Variants in CRAMP1 observed in about 807,000 individuals in gnomAD.
CRAMP1 encodes cramped chromatin regulator 1, also known as protein cramped-like.
CRAMP1 carries 50 observed loss-of-function variants against 115.4 expected under a neutral mutation model. The observed-to-expected ratio is 0.43, with a 90% CI of 0.35 to 0.55. The LOEUF (loss-of-function observed/expected upper bound fraction) is 0.55. Among genes scored for constraint, CRAMP1 ranks in the 20% least tolerant of loss-of-function variants. The pLI is 0.01. For synonymous variants in CRAMP1, 866 were observed against 745.4 expected (o/e 1.16, Z -2.64); for missense variants, 1,679 against 1,721.7 (o/e 0.98, Z 0.44).
chr16:1,670,646 C>T lies in CRAMP1; in HGVS notation c.3500-18C>T. The T allele has an allele frequency of 6.2e-7, 1 of 1,613,590 alleles. No individual in the cohort carries two copies. The highest frequency in any genetic ancestry group is 8.5e-7 in the Non-Finnish European group (1 of 1,179,626). On this transcript the variant is annotated intron_variant, in intron 19 of 20. Coordinates refer to ENST00000397412, the MANE Select transcript of CRAMP1 (RefSeq NM_020825.4). Reference sequence around the variant, plus strand: ...CAAGCAGGGTTCAGGGTGTTTTCCTCTGGCCTTTTCTCCGCAGCAAGCTTC... The same window carrying T: ...CAAGCAGGGTTCAGGGTGTTTTCCTTTGGCCTTTTCTCCGCAGCAAGCTTC...
Position 1,612,644 on chromosome 16 carries a change from C to A in CRAMP1, c.-15C>A, listed in dbSNP as rs1345893236. Among the ~76,000 whole-genome samples, 1 of 151,822 alleles carries A rather than the reference C, an allele frequency of 6.6e-6. No individual in the cohort carries two copies. Among genetic ancestry groups the A allele is most frequent in the Non-Finnish European group, 1.5e-5 (1 of 67,908 alleles). On this transcript the variant is annotated 5_prime_UTR_variant, in exon 1 of 21. Coordinates refer to ENST00000397412, the MANE Select transcript of CRAMP1 (RefSeq NM_020825.4). ...CCCGGGAAGCCAGGCTGCCGCCCGG[C>A]GTTGATGAAAAAGGTGACCAAGGCT...
At position 1,655,980 on chromosome 16, in the gene CRAMP1, C is replaced by T. The variant is rs186357261; in HGVS notation, c.1223C>T (p.Pro408Leu). ...LFPGENCTLT[P>L]LPGVARVVHS... ...CCAGGCGAGAACTGTACACTGACAC[C>T]GCTGCCGGGCGTGGCTCGCGTGGTG... Residue 408 changes from proline (P) to leucine (L), a missense_variant, in exon 10 of 21, where the codon CCG (proline) becomes CTG (leucine). By Grantham distance (98) the Pro-to-Leu change is moderately conservative. Transcript: ENST00000397412. The T allele has an allele frequency of 1.4e-5, 23 of 1,613,082 alleles. No homozygotes were observed. The Admixed American group carries it at 1.7e-4, about 12-fold the overall frequency.
Position 1,626,281 on chromosome 16 carries a change from G to A in CRAMP1, c.540+115G>A, listed in dbSNP as rs186022083. 1.2e-4 allele frequency: 127 copies of A among 1,022,652 alleles called. 1 individual carries two copies. The South Asian group carries it at 1.6e-3, about 13-fold the overall frequency. 63.3% of individuals were successfully genotyped at this position (1,022,652 alleles called of 1,614,324 possible). ...GATTCTAGAACGCAGATTCCTGGGCGACCCCCGCAGTGGCGGAGGCTGATG... is the reference window on the plus strand; with the variant it reads ...GATTCTAGAACGCAGATTCCTGGGCAACCCCCGCAGTGGCGGAGGCTGATG... On this transcript the variant is annotated intron_variant, in intron 3 of 20. Coordinates refer to ENST00000397412, the MANE Select transcript of CRAMP1 (RefSeq NM_020825.4).
intron 13 of CRAMP1, among the ~76,000 whole-genome samples, chr16:1,664,515 G>C (rs942903382): frequency 1.3e-5 from 2 of 152,058 alleles, no homozygotes; most frequent in Non-Finnish European, 2.9e-5. Context: ...ACGGTGGCTC[G>C]CACCTGTAAT....
chr16:1,663,589 T>G (rs1396074191), intron 13 of CRAMP1, among the ~76,000 whole-genome samples: 2 of 152,182 alleles, frequency 1.3e-5, no homozygotes, highest in African/African-American at 2.4e-5. Flanking sequence ...ACTTTATAGA[T>G]AGAGAATTCA....
At chr16:1,631,646 T>C (rs921840828) in intron 3 of CRAMP1, among the ~76,000 whole-genome samples, 8 of 152,344 alleles carry the variant, frequency 5.3e-5, no homozygotes, top group East Asian at 3.9e-4. Context: ...ACAAGTTCTC[T>C]TCTGAAAATC....
rs1463707076 is a variant in CRAMP1, at chr16:1,656,736, C to T, written c.1979C>T (p.Pro660Leu). ...TCTCAGGGACAGCCTGCCGCCAGGC[C>T]CCCGAAGGAGGTCCCCGCCAGCCGG... ...PPSQGQPAARPPKEVPASRLA... is the reference protein window; with the variant it reads ...PPSQGQPAARLPKEVPASRLA... Residue 660 changes from proline to leucine, a missense_variant, in exon 10 of 21, where the codon CCC becomes CTC. Transcript: ENST00000397412. The surrounding 1 kb of genome is among the most constrained non-coding windows in gnomAD (Gnocchi z 5.6). 5.2e-6 allele frequency: 8 copies of T among 1,550,624 alleles called. No individual in the cohort carries two copies. Among genetic ancestry groups the T allele is most frequent in the Non-Finnish European group, 7.0e-6 (8 of 1,147,116 alleles).
intron 13 of CRAMP1, among the ~76,000 whole-genome samples, chr16:1,664,321 C>G (rs548128339): frequency 6.6e-6 from 1 of 152,338 alleles, no homozygotes; most frequent in African/African-American, 2.4e-5. Context: ...ACTTCATGCC[C>G]TTTGGTGCCT....
intron 11 of CRAMP1, among the ~76,000 whole-genome samples, chr16:1,660,941 G>T (rs141155738): frequency 6.6e-6 from 1 of 152,246 alleles, no homozygotes; most frequent in East Asian, 1.9e-4. Context: ...CCCGGAAGGC[G>T]GAGGTTGCAA....
intron 1 of CRAMP1, among the ~76,000 whole-genome samples, chr16:1,613,740 C>T (rs771743313): frequency 5.3e-5 from 8 of 152,144 alleles, no homozygotes; most frequent in South Asian, 2.1e-4. Context: ...ACACCATTGT[C>T]TTCTACCGCT....
At chr16:1,651,636 G>A (rs969330431) in intron 6 of CRAMP1, among the ~76,000 whole-genome samples, 1 of 148,266 alleles carries the variant, frequency 6.7e-6, no homozygotes, top group Non-Finnish European at 1.5e-5. Context: ...AGGTCACCTA[G>A]AGGTGGATTG....
At chr16:1,659,588 C>A (rs551314029) in intron 10 of CRAMP1, among the ~76,000 whole-genome samples, 1 of 152,050 alleles carries the variant, frequency 6.6e-6, no homozygotes, top group African/African-American at 2.4e-5. Flanking sequence ...AGCGTTTCAC[C>A]GTGTTAGCCA....
intron 3 of CRAMP1, among the ~76,000 whole-genome samples, chr16:1,628,052 G>A (rs1010767787): frequency 3.3e-5 from 5 of 152,140 alleles, no homozygotes; most frequent in African/African-American, 7.2e-5. Context: ...CCTTATTCAA[G>A]CAGTTCAGTT....
chr16:1,638,563 G>A, intron 5 of CRAMP1, among the ~76,000 whole-genome samples: 1 of 152,204 alleles, frequency 6.6e-6, no homozygotes, highest in East Asian at 1.9e-4. Flanking sequence ...TCTAGGTAGG[G>A]ACATTGTAGA....
In CRAMP1 at chr16:1,674,324, A is replaced by G. The variant is rs2036949208; in HGVS notation, c.*279A>G. On this transcript the variant is annotated 3_prime_UTR_variant, in exon 21 of 21. Coordinates refer to ENST00000397412, the MANE Select transcript of CRAMP1 (RefSeq NM_020825.4). ...ATGTTAGGGTCTGCATAATGATCCC[A>G]TTTCAGCCTGTGCTCTGCCTCGATT... 1 of 447,536 alleles carries G rather than the reference A, an allele frequency of 2.2e-6. No homozygotes were observed. Among genetic ancestry groups the G allele is most frequent in the Non-Finnish European group, 4.0e-6 (1 of 247,398 alleles). The allele number at this position is 447,536 out of a possible 1,614,324, so 27.7% of individuals were successfully genotyped here.
chr16:1,667,525 G>C, intron 17 of CRAMP1, 125 bp downstream of exon 17: 1 of 755,946 alleles, frequency 1.3e-6, no homozygotes, highest in East Asian at 2.7e-5. Flanking sequence ...TGGCTTTGCT[G>C]TTCTTCCACC....
At chr16:1,643,473 G>A (rs886875208) in intron 6 of CRAMP1, among the ~76,000 whole-genome samples, 5 of 152,024 alleles carry the variant, frequency 3.3e-5, no homozygotes, top group Admixed American at 3.3e-4. Flanking sequence ...CCCGAGAGGC[G>A]GAGGTTGCAG....
intron 5 of CRAMP1, among the ~76,000 whole-genome samples, chr16:1,639,885 C>A (rs1307141476): frequency 2.0e-5 from 3 of 152,208 alleles, no homozygotes; most frequent in Non-Finnish European, 4.4e-5. Context: ...TTCCCTACCT[C>A]TAGACCCTAT....
intron 17 of CRAMP1, among the ~76,000 whole-genome samples, chr16:1,667,735 A>T: frequency 6.6e-6 from 1 of 152,152 alleles, no homozygotes; most frequent in East Asian, 1.9e-4. Context: ...GCAGCAGTCA[A>T]AGCAGGTCCA....
Sources: gnomAD v4.1 joint callset for allele counts (sites outside exome capture counted in the v4.1 genomes callset) on GRCh38, gnomAD v4.1.1 for gene constraint, Gnocchi (gnomAD v3.1) non-coding constraint, MANE v1.5 for transcripts, NCBI Gene and HGNC (gene_info 2026-07-23, HGNC 2026-07-21) for gene names.